The following L3MBTL4 variants were observed in gnomAD, a reference collection of about 807,000 sequenced individuals.
L3MBTL4 encodes the protein lethal(3)malignant brain tumor-like protein 4.
In L3MBTL4, 70 loss-of-function variants were observed where a neutral mutation model predicts 84.5. The ratio of observed to expected loss-of-function variants is 0.83; its 90% CI spans 0.68 to 1.01. The LOEUF is 1.01. L3MBTL4 is among the 50% of genes least tolerant of loss of function. The pLI, the probability that L3MBTL4 is intolerant of heterozygous loss-of-function variation, is 0.00. For missense variants in L3MBTL4, 715 were observed against 754.8 expected (o/e 0.95, Z 0.62); for synonymous variants, 274 against 259.8 (o/e 1.05, Z -0.52).
At position 6,089,650 on chromosome 18, in the gene L3MBTL4, G is replaced by A. The variant is rs141281997; in HGVS notation, c.1373+3705C>T. Reference sequence around the variant, plus strand: ...ACCTAACCTCTCTGAACTTTTAGATGCCTATGTTATAAAATCTGAATAAGA... The same window carrying A: ...ACCTAACCTCTCTGAACTTTTAGATACCTATGTTATAAAATCTGAATAAGA... On this transcript the variant is annotated intron_variant, in intron 15 of 18. Transcript: ENST00000317931. 1.5e-3 allele frequency among the ~76,000 whole-genome samples: 235 copies of A among 152,220 alleles called. 2 individuals carry two copies. Among genetic ancestry groups the A allele is most frequent in the Non-Finnish European group, 2.1e-3 (144 of 68,018 alleles).
intron 12 of L3MBTL4, among the ~76,000 whole-genome samples, chr18:6,201,748 A>T (rs997082537): frequency 6.6e-6 from 1 of 152,248 alleles, no homozygotes; most frequent in East Asian, 1.9e-4. Context: ...TGACTTAATC[A>T]TTACACATTC....
intron 5 of L3MBTL4, among the ~76,000 whole-genome samples, chr18:6,251,732 T>G (rs1237344170): frequency 6.6e-6 from 1 of 152,196 alleles, no homozygotes; most frequent in Non-Finnish European, 1.5e-5. Flanking sequence ...TATCTAAAAT[T>G]GGTGGTCTAA....
rs758261214 is a variant in L3MBTL4, at chr18:6,093,438, T to G, written c.1290A>C (p.Glu430Asp). 1 of 1,614,062 alleles carries G rather than the reference T, an allele frequency of 6.2e-7. No individual in the cohort carries two copies. Among genetic ancestry groups the G allele is most frequent in the South Asian group, 1.1e-5 (1 of 91,066 alleles). Reference protein sequence around the residue: ...RLREQTQANLESDSSHSKSKS... With the variant: ...RLREQTQANLDSDSSHSKSKS... ...TTGATTTTGAATGTGAAGAGTCTGA[T>G]TCCAAATTTGCCTGTGTTTGTTCTC... The change falls in exon 15 of 19, where the codon GAA becomes GAC. Residue 430 changes from glutamate to aspartate, a missense_variant. Physicochemically the swap from Glu to Asp is conservative, Grantham distance 45 (BLOSUM62 2). Transcript: ENST00000317931.
chr18:6,285,633 C>T (rs2049538611), intron 4 of L3MBTL4, among the ~76,000 whole-genome samples: 2 of 151,848 alleles, frequency 1.3e-5, no homozygotes, highest in Admixed American at 1.3e-4. Context: ...AGATGTAATT[C>T]CCTGCAAGCC....
At chr18:6,190,390 G>A (rs1052888680) in intron 12 of L3MBTL4, among the ~76,000 whole-genome samples, 1 of 152,090 alleles carries the variant, frequency 6.6e-6, no homozygotes, top group Non-Finnish European at 1.5e-5. Context: ...AAAATTCACT[G>A]AGCTGTACAC....
chr18:6,215,922 C>G, intron 10 of L3MBTL4, 87 bp from the exon 11 acceptor site: 1 of 671,180 alleles, frequency 1.5e-6, no homozygotes, highest in Non-Finnish European at 2.4e-6. Context: ...GATATGACAC[C>G]TAATGTTAAT....
intron 4 of L3MBTL4, among the ~76,000 whole-genome samples, chr18:6,300,367 T>C (rs567829121): frequency 6.6e-6 from 1 of 152,272 alleles, no homozygotes; most frequent in Admixed American, 6.5e-5. Context: ...GAACAATATA[T>C]TATCAGATTT....
At chr18:6,307,151 G>A (rs2050621806) in intron 3 of L3MBTL4, among the ~76,000 whole-genome samples, 1 of 152,006 alleles carries the variant, frequency 6.6e-6, no homozygotes, top group African/African-American at 2.4e-5. Flanking sequence ...AAAGTTATAT[G>A]GCCAGACACA....
chr18:6,301,403 T>A (rs1461424927), intron 4 of L3MBTL4, among the ~76,000 whole-genome samples: 1 of 152,220 alleles, frequency 6.6e-6, no homozygotes, highest in African/African-American at 2.4e-5. Context: ...TTGGTTTAAA[T>A]TTAAAGCATC....
intron 1 of L3MBTL4, among the ~76,000 whole-genome samples, chr18:6,347,566 T>C (rs905035761): frequency 1.3e-5 from 2 of 151,654 alleles, no homozygotes. Flanking sequence ...GGAAAATATA[T>C]GACTTCAACA....
intron 4 of L3MBTL4, among the ~76,000 whole-genome samples, chr18:6,277,570 G>A (rs1436577592): frequency 6.6e-6 from 1 of 152,124 alleles, no homozygotes; most frequent in Non-Finnish European, 1.5e-5. Flanking sequence ...AACCAGTTGA[G>A]ATTCTGTTTT....
chr18:6,367,029 G>A (rs1365358544), intron 1 of L3MBTL4, among the ~76,000 whole-genome samples: 1 of 152,212 alleles, frequency 6.6e-6, no homozygotes, highest in Admixed American at 6.5e-5. Flanking sequence ...AAAGCCCACA[G>A]CAGGTGCCAG....
At chr18:6,387,861 A>G (rs1459297402) in intron 1 of L3MBTL4, among the ~76,000 whole-genome samples, 1 of 152,186 alleles carries the variant, frequency 6.6e-6, no homozygotes, top group Non-Finnish European at 1.5e-5. Context: ...AAAAGAGAGG[A>G]GCAGAAGTAG....
At chr18:6,286,653 T>G (rs887603566) in intron 4 of L3MBTL4, among the ~76,000 whole-genome samples, 1 of 152,196 alleles carries the variant, frequency 6.6e-6, no homozygotes, top group Admixed American at 6.5e-5. Flanking sequence ...TTTATTTCAT[T>G]TCACCATACC....
Position 6,154,746 on chromosome 18 carries a change from A to G in L3MBTL4, c.1097-16450T>C, listed in dbSNP as rs201797742. On this transcript the variant is annotated intron_variant, in intron 13 of 18. Coordinates refer to ENST00000317931, the MANE Select transcript of L3MBTL4 (RefSeq NM_001330559.2). ...TTTTCAGTAATTGTGATTAAACATG[A>G]TTTTTTGCATTACTCGCTGAATTTA... Among the ~76,000 whole-genome samples the G allele has an allele frequency of 8.5e-5, 13 of 152,246 alleles. No homozygotes were observed. The East Asian group carries it at 2.3e-3, about 27-fold the overall frequency.
chr18:6,041,265 T>A (rs540547660), intron 16 of L3MBTL4, among the ~76,000 whole-genome samples: 1 of 152,322 alleles, frequency 6.6e-6, no homozygotes, highest in Non-Finnish European at 1.5e-5. Context: ...CTTCTGGATC[T>A]ACCTTACTGC....
intron 5 of L3MBTL4, among the ~76,000 whole-genome samples, chr18:6,252,671 G>A (rs1045680455): frequency 5.3e-5 from 8 of 152,292 alleles, no homozygotes; most frequent in East Asian, 1.9e-4. Context: ...CAGGCAGGAC[G>A]CAGGCCATGA....
At chr18:6,315,399 G>C (rs531175085) in intron 1 of L3MBTL4, among the ~76,000 whole-genome samples, 34 of 152,288 alleles carry the variant, frequency 2.2e-4, no homozygotes, top group African/African-American at 8.2e-4. Flanking sequence ...CTTCTTAATT[G>C]TATTAATAGT....
At chr18:6,351,604 T>G (rs375611359) in intron 1 of L3MBTL4, among the ~76,000 whole-genome samples, 1,661 of 152,030 alleles carry the variant, frequency 0.011, 40 homozygotes, top group African/African-American at 0.038. Context: ...CAGGCTGGAG[T>G]GCAGTGGCGT....
Sources: allele counts gnomAD v4.1 joint callset (sites outside exome capture counted in the v4.1 genomes callset), GRCh38; gene constraint gnomAD v4.1.1; transcripts MANE v1.5; gene names NCBI Gene and HGNC (gene_info 2026-07-23, HGNC 2026-07-21).